Variants in EPHX4 observed in about 807,000 individuals in gnomAD.
EPHX4 encodes the protein abhydrolase domain containing 7.
Under a neutral mutation model 44.9 loss-of-function variants are expected in EPHX4, and 31 were observed. That is an observed-to-expected ratio of 0.69 (90% CI 0.52 to 0.93). The LOEUF is 0.93. Ranked by LOEUF, EPHX4 falls within the 40% of genes least tolerant of loss-of-function variation. The pLI is 0.00. For missense variants in EPHX4, 373 were observed against 438.1 expected, an observed-to-expected ratio of 0.85 and a Z score of 1.33; for synonymous variants, 151 against 159.7, an observed-to-expected ratio of 0.95 and a Z score of 0.41.
chr1:92,059,392 C>T (rs1022920858), intron 6 of EPHX4, among the ~76,000 whole-genome samples: 8 of 151,834 alleles, frequency 5.3e-5, no homozygotes, highest in Non-Finnish European at 1.2e-4. Flanking sequence ...AGCCCAGATC[C>T]GTCACTGCAC....
At chr1:92,032,421 T>C in intron 1 of EPHX4, 84 bp from the exon 2 acceptor site, 3 of 1,047,928 alleles carry the variant, frequency 2.9e-6, no homozygotes, top group South Asian at 2.8e-5. Flanking sequence ...AAGTTACTAT[T>C]TTTTTAATGA....
intron 4 of EPHX4, among the ~76,000 whole-genome samples, chr1:92,048,018 TAA>T (rs1351520077): frequency 1.3e-5 from 2 of 152,190 alleles, no homozygotes; most frequent in Admixed American, 6.5e-5. Flanking sequence ...TTACTCTTGT[TAA>T]GTTTTCTGAG....
intron 6 of EPHX4, among the ~76,000 whole-genome samples, chr1:92,053,327 T>C (rs1265090753): frequency 2.6e-5 from 4 of 152,122 alleles, no homozygotes; most frequent in African/African-American, 4.8e-5. Context: ...GAATTAGGGC[T>C]TCTTGGCTGG....
Position 92,055,864 on chromosome 1 carries a change from C to T in EPHX4, c.857+3206C>T, listed in dbSNP as rs116983259. Among the ~76,000 whole-genome samples, 183 of 152,096 alleles carry T rather than the reference C, an allele frequency of 1.2e-3. 2 individuals are homozygous for T. In the East Asian group the frequency reaches 0.032, roughly 27 times the overall value. ...ACTTCCTTTGAGTTGTAGAACAGTA[C>T]GTTGTAAGTATCTATAAGGAAAGAG... On this transcript the variant is annotated intron_variant, in intron 6 of 6. Transcript: ENST00000370383.
intron 1 of EPHX4, among the ~76,000 whole-genome samples, chr1:92,031,358 G>A (rs1688357669): frequency 6.6e-6 from 1 of 152,188 alleles, no homozygotes; most frequent in Admixed American, 6.5e-5. Context: ...CCATCGTGCA[G>A]CTGAGGGTAA....
rs1318859052 is a variant in EPHX4, at chr1:92,042,804, G to C, written c.318-19G>C. ...TACTAGCTAATATGATATTTTAAAT[G>C]CTTCCTTTTTTCCTGCAGGTATTCT... On this transcript the variant is annotated intron_variant, in intron 2 of 6. Coordinates refer to ENST00000370383, the MANE Select transcript of EPHX4 (RefSeq NM_173567.5). 7.5e-6 allele frequency: 12 copies of C among 1,596,086 alleles called. No homozygotes were observed. The highest frequency in any genetic ancestry group is 9.4e-6 in the Non-Finnish European group (11 of 1,172,920).
At chr1:92,039,327 A>G (rs1269867001) in intron 2 of EPHX4, among the ~76,000 whole-genome samples, 3 of 152,232 alleles carry the variant, frequency 2.0e-5, no homozygotes, top group African/African-American at 2.4e-5. Context: ...ACCAAGCAAT[A>G]GGCTGCTGCC....
At chr1:92,047,641 ATTAG>A (rs1384192419) in intron 4 of EPHX4, among the ~76,000 whole-genome samples, 2 of 152,194 alleles carry the variant, frequency 1.3e-5, no homozygotes, top group East Asian at 1.9e-4. Context: ...AATGTAATTA[ATTAG>A]TTAGTTTGCC....
At position 92,030,266 on chromosome 1, in the gene EPHX4, C is replaced by G. The variant is rs753501425; in HGVS notation, c.187C>G (p.Leu63Val). The G allele has an allele frequency of 6.2e-7, 1 of 1,601,396 alleles. No homozygotes were observed. The highest frequency in any genetic ancestry group is 2.3e-5 in the East Asian group (1 of 44,292). Residue 63 changes from leucine to valine, a missense_variant, in exon 1 of 7, where the codon CTG becomes GTG. Coordinates refer to ENST00000370383, the MANE Select transcript of EPHX4 (RefSeq NM_173567.5). Reference protein sequence around the residue: ...RPAREHPPACLSDPSLGTHCY... With the variant: ...RPAREHPPACVSDPSLGTHCY... ...CGCCCGGGAGCACCCTCCCGCGTGCCTGAGCGACCCCTCCTTGGGCACCCA... is the reference window on the plus strand; with the variant it reads ...CGCCCGGGAGCACCCTCCCGCGTGCGTGAGCGACCCCTCCTTGGGCACCCA...
chr1:92,029,996 G>A lies in EPHX4; in HGVS notation c.-84G>A. 1 of 975,834 alleles carries A rather than the reference G, an allele frequency of 1.0e-6. No individual in the cohort carries two copies. Among genetic ancestry groups the A allele is most frequent in the African/African-American group, 1.7e-5 (1 of 58,410 alleles). 60.4% of individuals were successfully genotyped at this position (975,834 alleles called of 1,614,324 possible). ...GGGCCGGGGGAGGCGCGCGTCGAGA[G>A]GCGACGGCGGGCTGGCCTGGCGCGC... is the stretch of plus-strand genomic sequence containing the variant. On this transcript the variant is annotated 5_prime_UTR_variant, in exon 1 of 7. Coordinates refer to ENST00000370383, the MANE Select transcript of EPHX4 (RefSeq NM_173567.5).
chr1:92,048,871 CACT>C (rs1309491943), intron 4 of EPHX4, among the ~76,000 whole-genome samples: 1 of 151,834 alleles, frequency 6.6e-6, no homozygotes, highest in Non-Finnish European at 1.5e-5. Context: ...AGGCTTACAC[CACT>C]GTTTTTTTTG....
chr1:92,030,436 AG>A, intron 1 of EPHX4, 126 bp downstream of exon 1: 1 of 512,066 alleles, frequency 2.0e-6, no homozygotes, highest in Non-Finnish European at 2.9e-6. Flanking sequence ...GGAGGGGAGG[AG>A]GGGTTGGGTC....
chr1:92,030,586 CTT>C (rs1213548482), intron 1 of EPHX4, among the ~76,000 whole-genome samples: 2 of 151,878 alleles, frequency 1.3e-5, no homozygotes, highest in African/African-American at 2.4e-5. Flanking sequence ...TCAGGGGCCT[CTT>C]ATATTACTGC....
chr1:92,047,397 C>T (rs1688597149), intron 4 of EPHX4, among the ~76,000 whole-genome samples: 1 of 142,988 alleles, frequency 7.0e-6, no homozygotes, highest in Admixed American at 6.9e-5. Context: ...GAGACCCTGT[C>T]TCAAAAAAAA....
At chr1:92,054,386 C>T (rs1266097516) in intron 6 of EPHX4, among the ~76,000 whole-genome samples, 6 of 152,000 alleles carry the variant, frequency 3.9e-5, no homozygotes, top group South Asian at 2.1e-4. Context: ...GTCAGGAGTT[C>T]GAGACCAGTC....
chr1:92,044,000 A>C (rs543805178), intron 3 of EPHX4, among the ~76,000 whole-genome samples: 1 of 152,382 alleles, frequency 6.6e-6, no homozygotes, highest in East Asian at 1.9e-4. Flanking sequence ...AGGGGCAGCA[A>C]GTAGACTACT....
intron 2 of EPHX4, among the ~76,000 whole-genome samples, chr1:92,042,085 A>G (rs1688515756): frequency 6.6e-6 from 1 of 151,782 alleles, no homozygotes; most frequent in South Asian, 2.1e-4. Context: ...TATTGGCCAG[A>G]CATGTTAGCT....
At chr1:92,061,486 A>T (rs569937159) in intron 6 of EPHX4, among the ~76,000 whole-genome samples, 1 of 152,352 alleles carries the variant, frequency 6.6e-6, no homozygotes, top group East Asian at 1.9e-4. Flanking sequence ...GTAACAGAAG[A>T]TGTCAAAAGC....
At position 92,030,037 on chromosome 1, in the gene EPHX4, C is replaced by A; in HGVS notation, c.-43C>A. On this transcript the variant is annotated 5_prime_UTR_variant, in exon 1 of 7. Transcript: ENST00000370383. ...CCTGGCGCGCTGCGGCGCTCGCTCACCCGCTCCCGAGGAAGGGCAGTGGGC... is the reference window on the plus strand; with the variant it reads ...CCTGGCGCGCTGCGGCGCTCGCTCAACCGCTCCCGAGGAAGGGCAGTGGGC... The A allele has an allele frequency of 7.0e-7, 1 of 1,438,136 alleles. No individual in the cohort carries two copies. Among genetic ancestry groups the A allele is most frequent in the South Asian group, 1.4e-5 (1 of 71,918 alleles). 89.1% of individuals were successfully genotyped at this position (1,438,136 alleles called of 1,614,324 possible).
Sources: allele counts gnomAD v4.1 joint callset (sites outside exome capture counted in the v4.1 genomes callset), GRCh38; gene constraint gnomAD v4.1.1; transcripts MANE v1.5; gene names NCBI Gene and HGNC (gene_info 2026-07-23, HGNC 2026-07-21).